SEMA3A: variants seen among roughly 807,000 people sequenced by gnomAD.
SEMA3A encodes semaphorin 3A.
Under a neutral mutation model 97.9 loss-of-function variants are expected in SEMA3A, and 29 were observed. The ratio of observed to expected loss-of-function variants is 0.30; its 90% CI spans 0.22 to 0.40. The LOEUF is 0.40. Among genes scored for constraint, SEMA3A ranks in the 10% least tolerant of loss-of-function variants. The pLI, the probability that SEMA3A is intolerant of heterozygous loss-of-function variation, is 1.00. For missense variants in SEMA3A, 763 were observed against 951.3 expected, an observed-to-expected ratio of 0.80 and a Z score of 2.60; for synonymous variants, 321 against 323.7, an observed-to-expected ratio of 0.99 and a Z score of 0.09.
chr7:84,297,931 T>C (rs1800908944), intron 3 of SEMA3A, among the ~76,000 whole-genome samples: 1 of 152,222 alleles, frequency 6.6e-6, no homozygotes, highest in Admixed American at 6.5e-5. Context: ...ACATGAGTAA[T>C]GAAATCTGCA....
chr7:84,358,240 G>T (rs539896632), intron 2 of SEMA3A, among the ~76,000 whole-genome samples: 29 of 152,178 alleles, frequency 1.9e-4, no homozygotes, highest in African/African-American at 6.0e-4. Flanking sequence ...GTATTGCCTA[G>T]GTTTTCTTCT....
intron 3 of SEMA3A, among the ~76,000 whole-genome samples, chr7:84,250,254 A>ATT (rs555623056): frequency 1.3e-5 from 2 of 148,538 alleles, no homozygotes; most frequent in East Asian, 3.9e-4. Context: ...TTACATTAAT[A>ATT]TTTTTTTTTT....
At chr7:83,987,915 T>C (rs1168182252) in intron 12 of SEMA3A, among the ~76,000 whole-genome samples, 6 of 152,224 alleles carry the variant, frequency 3.9e-5, no homozygotes, top group African/African-American at 1.4e-4. Context: ...GTCTAGCTTT[T>C]ATTCTAGAGA....
chr7:84,231,211 T>C (rs73181392), intron 3 of SEMA3A, among the ~76,000 whole-genome samples: 9,968 of 152,064 alleles, frequency 0.066, 539 homozygotes, highest in East Asian at 0.29. Flanking sequence ...TTTAAAGTTA[T>C]CCTGTGGCCT....
intron 3 of SEMA3A, among the ~76,000 whole-genome samples, chr7:84,296,972 G>T (rs1418386258): frequency 1.3e-5 from 2 of 151,898 alleles, no homozygotes; most frequent in South Asian, 4.2e-4. Context: ...TCTTTTCTGA[G>T]ATTTATTTTT....
intron 3 of SEMA3A, among the ~76,000 whole-genome samples, chr7:84,118,305 C>T (rs1795496214): frequency 6.6e-6 from 1 of 152,180 alleles, no homozygotes; most frequent in Non-Finnish European, 1.5e-5. Flanking sequence ...TTCATTTTCT[C>T]AACACAACAG....
At chr7:84,013,256 C>A (rs1280341879) in intron 7 of SEMA3A, among the ~76,000 whole-genome samples, 1 of 152,068 alleles carries the variant, frequency 6.6e-6, no homozygotes, top group African/African-American at 2.4e-5. Flanking sequence ...TAGAGGGAAA[C>A]AAATGGAACT....
At chr7:83,972,769 A>G (rs1480519876) in intron 15 of SEMA3A, among the ~76,000 whole-genome samples, 4 of 152,146 alleles carry the variant, frequency 2.6e-5, no homozygotes, top group Non-Finnish European at 5.9e-5. Context: ...ACATACTTAA[A>G]GACTTCAATG....
intron 1 of SEMA3A, among the ~76,000 whole-genome samples, chr7:84,151,414 A>G (rs2116120229): frequency 6.6e-6 from 1 of 151,978 alleles, no homozygotes; most frequent in East Asian, 1.9e-4. Context: ...TGGAGCTGAA[A>G]ACCAAGGCTC....
chr7:84,292,046 TC>T (rs1486092766), intron 3 of SEMA3A, among the ~76,000 whole-genome samples: 1 of 152,136 alleles, frequency 6.6e-6, no homozygotes, highest in African/African-American at 2.4e-5. Context: ...AATTGCTACT[TC>T]TAAGCTAATC....
At chr7:84,366,052 T>C (rs1172766205) in intron 2 of SEMA3A, among the ~76,000 whole-genome samples, 7 of 151,424 alleles carry the variant, frequency 4.6e-5, no homozygotes, top group African/African-American at 1.7e-4. Flanking sequence ...AACAAAGGCA[T>C]TTGTACTACC....
chr7:84,006,752 T>C (rs1453002178), intron 10 of SEMA3A, among the ~76,000 whole-genome samples: 4 of 152,128 alleles, frequency 2.6e-5, no homozygotes, highest in African/African-American at 9.7e-5. Context: ...AAGCTTAGAA[T>C]GAGAAATCAA....
At chr7:84,166,925 A>G (rs1279410454) in intron 1 of SEMA3A, among the ~76,000 whole-genome samples, 5 of 150,892 alleles carry the variant, frequency 3.3e-5, no homozygotes, top group Non-Finnish European at 7.4e-5. Context: ...GGTAGCAGCA[A>G]TGTTGAATTA....
intron 2 of SEMA3A, among the ~76,000 whole-genome samples, chr7:84,361,536 T>C (rs1383558017): frequency 2.0e-5 from 3 of 152,000 alleles, no homozygotes; most frequent in Admixed American, 2.0e-4. Flanking sequence ...TTAGATTTTC[T>C]AAATATAAAG....
intron 6 of SEMA3A, among the ~76,000 whole-genome samples, chr7:84,034,376 C>A (rs1182302293): frequency 6.6e-6 from 1 of 152,108 alleles, no homozygotes; most frequent in South Asian, 2.1e-4. Flanking sequence ...CAGAAATATG[C>A]AAATTTTTAA....
chr7:84,035,426 T>C (rs925367176), intron 6 of SEMA3A, among the ~76,000 whole-genome samples: 4 of 152,072 alleles, frequency 2.6e-5, no homozygotes, highest in African/African-American at 9.6e-5. Context: ...ATTGTCCATA[T>C]TGTAGGAGTA....
At chr7:84,395,323 T>C (rs995044884) in intron 1 of SEMA3A, among the ~76,000 whole-genome samples, 10 of 150,704 alleles carry the variant, frequency 6.6e-5, no homozygotes, top group African/African-American at 2.5e-4. Flanking sequence ...CAATTCAGAA[T>C]TCTTATGCAT....
At chr7:84,033,878 A>G (rs1258255812) in intron 6 of SEMA3A, among the ~76,000 whole-genome samples, 3 of 152,170 alleles carry the variant, frequency 2.0e-5, no homozygotes, top group Admixed American at 6.5e-5. Flanking sequence ...GCAGGGGTCT[A>G]TACAAGCTAA....
At chr7:84,354,565 T>C (rs1226330437) in intron 2 of SEMA3A, among the ~76,000 whole-genome samples, 2 of 151,676 alleles carry the variant, frequency 1.3e-5, no homozygotes, top group Non-Finnish European at 3.0e-5. Context: ...AAATAAGTGC[T>C]CTACTTTATG....
Sources: allele counts gnomAD v4.1 joint callset (sites outside exome capture counted in the v4.1 genomes callset), GRCh38; gene constraint gnomAD v4.1.1; transcripts MANE v1.5; gene names NCBI Gene and HGNC (gene_info 2026-07-23, HGNC 2026-07-21).